The following SORCS2 variants were observed in gnomAD, a reference collection of about 807,000 sequenced individuals.
SORCS2 encodes VPS10 domain-containing receptor SorCS2.
A neutral mutation model predicts 141.6 loss-of-function variants in SORCS2; 100 were observed. The observed-to-expected ratio is 0.71, with a 90% CI of 0.60 to 0.83. The LOEUF (loss-of-function observed/expected upper bound fraction) is 0.83. Ranked by LOEUF, SORCS2 falls within the 40% of genes least tolerant of loss-of-function variation. SORCS2 has a pLI of 0.00. For synonymous variants in SORCS2, 789 were observed against 676.9 expected (o/e 1.17, Z -2.57); for missense variants, 1,646 against 1,560.2 (o/e 1.05, Z -0.93).
At chr4:7,691,994 C>T (rs1724288191) in intron 11 of SORCS2, among the ~76,000 whole-genome samples, 2 of 151,740 alleles carry the variant, frequency 1.3e-5, no homozygotes, top group South Asian at 2.1e-4. Flanking sequence ...TCCCTGCTTG[C>T]CCCCCACTGT....
chr4:7,587,116 C>T (rs904490446), intron 3 of SORCS2, among the ~76,000 whole-genome samples: 1 of 151,990 alleles, frequency 6.6e-6, no homozygotes, highest in African/African-American at 2.4e-5. Flanking sequence ...CAAGCAGAAG[C>T]TGGACAACCA....
chr4:7,426,192 G>A (rs139500428), intron 2 of SORCS2, among the ~76,000 whole-genome samples: 1 of 152,356 alleles, frequency 6.6e-6, no homozygotes, highest in Non-Finnish European at 1.5e-5. Context: ...TGCGGGCCAG[G>A]GCCTGTGTTT....
At chr4:7,684,975 C>T (rs1168266101) in intron 10 of SORCS2, among the ~76,000 whole-genome samples, 1 of 152,222 alleles carries the variant, frequency 6.6e-6, no homozygotes, top group African/African-American at 2.4e-5. Flanking sequence ...AGCTCTGACT[C>T]GTGAACACTC....
intron 14 of SORCS2, among the ~76,000 whole-genome samples, 182 bp downstream of exon 14, chr4:7,704,466 G>A (rs891109140): frequency 3.9e-5 from 6 of 152,246 alleles, no homozygotes; most frequent in Admixed American, 6.5e-5. Context: ...CCATGGCCAC[G>A]GCACCTCTTG....
chr4:7,631,392 G>A (rs1329494868), intron 3 of SORCS2, among the ~76,000 whole-genome samples: 1 of 151,838 alleles, frequency 6.6e-6, no homozygotes, highest in Non-Finnish European at 1.5e-5. Context: ...TCCTGGCCAG[G>A]CAGGGAGGGG....
At position 7,471,507 on chromosome 4, in the gene SORCS2, C is replaced by T. The variant is rs554811392; in HGVS notation, c.549-60023C>T. On this transcript the variant is annotated intron_variant, in intron 2 of 26. Coordinates refer to ENST00000507866, the MANE Select transcript of SORCS2 (RefSeq NM_020777.3). Reference sequence around the variant, plus strand: ...GCAGGCTGGACAGCTGGGCCACGTCCCCTTCGTTCCAGGGAAGAGGGAGCA... The same window carrying T: ...GCAGGCTGGACAGCTGGGCCACGTCTCCTTCGTTCCAGGGAAGAGGGAGCA... Among the ~76,000 whole-genome samples the T allele has an allele frequency of 3.3e-5, 5 of 152,350 alleles. No homozygotes were observed. The South Asian group carries it at 1.0e-3, about 32-fold the overall frequency.
chr4:7,302,838 C>T (rs1045627035), intron 1 of SORCS2, among the ~76,000 whole-genome samples: 6 of 151,368 alleles, frequency 4.0e-5, no homozygotes, highest in East Asian at 3.9e-4. Context: ...TACCTTTTTA[C>T]GCACAAGGGT....
chr4:7,530,652 G>A (rs1164701683), intron 2 of SORCS2, among the ~76,000 whole-genome samples: 1 of 152,244 alleles, frequency 6.6e-6, no homozygotes, highest in Non-Finnish European at 1.5e-5. Flanking sequence ...ATGATAAGAG[G>A]TGTTGGTTTC....
intron 3 of SORCS2, among the ~76,000 whole-genome samples, chr4:7,579,639 G>A (rs1716010321): frequency 6.6e-6 from 1 of 152,170 alleles, no homozygotes; most frequent in South Asian, 2.1e-4. Flanking sequence ...AGCCACTTCT[G>A]CTATCTTCTT....
At chr4:7,334,523 C>T (rs1484130443) in intron 1 of SORCS2, among the ~76,000 whole-genome samples, 4 of 152,148 alleles carry the variant, frequency 2.6e-5, no homozygotes, top group Non-Finnish European at 4.4e-5. Flanking sequence ...GGGGGGTGCT[C>T]AGTGAGCATG....
chr4:7,446,947 T>C (rs1277927693), intron 2 of SORCS2, among the ~76,000 whole-genome samples: 1 of 152,196 alleles, frequency 6.6e-6, no homozygotes, highest in Non-Finnish European at 1.5e-5. Context: ...GGACTAAGGT[T>C]TCCTTCACCT....
intron 4 of SORCS2, among the ~76,000 whole-genome samples, chr4:7,639,311 C>G (rs1429892204): frequency 6.6e-6 from 1 of 152,260 alleles, no homozygotes; most frequent in African/African-American, 2.4e-5. Flanking sequence ...CCCTGCCTCT[C>G]TCAGCTGCTG....
chr4:7,634,025 ACTTC>A (rs1420395521), intron 3 of SORCS2, among the ~76,000 whole-genome samples: 3 of 121,068 alleles, frequency 2.5e-5, no homozygotes, highest in South Asian at 6.2e-4. Context: ...AGTCCTGAGG[ACTTC>A]CTTCCTTCTT....
chr4:7,406,740 G>A (rs77133534), intron 2 of SORCS2, among the ~76,000 whole-genome samples: 8 of 151,436 alleles, frequency 5.3e-5, no homozygotes, highest in African/African-American at 7.3e-5. Flanking sequence ...TTTCTGCTCC[G>A]ATTATTAGTA....
At chr4:7,720,074 C>A (rs1726483036) in intron 18 of SORCS2, among the ~76,000 whole-genome samples, 1 of 152,162 alleles carries the variant, frequency 6.6e-6, no homozygotes, top group African/African-American at 2.4e-5. Context: ...CACACACATG[C>A]TTACACGCTC....
intron 2 of SORCS2, chr4:7,434,036 TCCTTGGCAAC>T: frequency 6.2e-7 from 1 of 1,611,578 alleles, no homozygotes; most frequent in Admixed American, 1.7e-5. Context: ...TCGCTCTGTT[TCCTTGGCAAC>T]CCCAGCTCCA....
At chr4:7,666,311 T>C (rs1432039986) in intron 7 of SORCS2, among the ~76,000 whole-genome samples, 2 of 152,078 alleles carry the variant, frequency 1.3e-5, no homozygotes, top group Non-Finnish European at 2.9e-5. Context: ...CTGGTGTCGG[T>C]GCTCGCGACA....
At chr4:7,296,518 C>T (rs1717067839) in intron 1 of SORCS2, among the ~76,000 whole-genome samples, 1 of 152,186 alleles carries the variant, frequency 6.6e-6, no homozygotes, top group Non-Finnish European at 1.5e-5. Context: ...CCTCTCCCCA[C>T]CCACCCCACC....
intron 1 of SORCS2, among the ~76,000 whole-genome samples, chr4:7,306,960 C>T (rs1717877291): frequency 6.6e-6 from 1 of 152,314 alleles, no homozygotes; most frequent in Middle Eastern, 3.4e-3. Context: ...AGAAGGGTCT[C>T]CCCTGCCGTG....
Sources: gnomAD v4.1 joint callset for allele counts (sites outside exome capture counted in the v4.1 genomes callset) on GRCh38, gnomAD v4.1.1 for gene constraint, MANE v1.5 for transcripts, NCBI Gene and HGNC (gene_info 2026-07-23, HGNC 2026-07-21) for gene names.